Variants in TBC1D2B observed in about 807,000 individuals in gnomAD.
TBC1D2B encodes the protein TBC1 domain family member 2B.
Under a neutral mutation model 100.8 loss-of-function variants are expected in TBC1D2B, and 64 were observed. The observed-to-expected ratio is 0.64, with a 90% CI of 0.52 to 0.78. The LOEUF (loss-of-function observed/expected upper bound fraction) is 0.78, where lower values mean the gene tolerates loss of function less well. TBC1D2B is among the 30% of genes least tolerant of loss of function. The pLI, the probability that TBC1D2B is intolerant of heterozygous loss-of-function variation, is 0.00. For synonymous variants in TBC1D2B, 480 were observed against 479.7 expected, an observed-to-expected ratio of 1.00 and a Z score of -0.01; for missense variants, 1,052 against 1,218.4, an observed-to-expected ratio of 0.86 and a Z score of 2.03.
chr15:78,011,753 A>G (rs934449279), intron 9 of TBC1D2B, among the ~76,000 whole-genome samples: 2 of 147,840 alleles, frequency 1.4e-5, no homozygotes, highest in Non-Finnish European at 3.0e-5. Context: ...GGTTCAAGTG[A>G]TTCTCTTACC....
intron 3 of TBC1D2B, 93 bp from the exon 4 acceptor site, chr15:78,030,263 T>G: frequency 1.9e-6 from 2 of 1,049,818 alleles, no homozygotes; most frequent in Non-Finnish European, 1.3e-6. Flanking sequence ...TTTAAATATC[T>G]AATGATACCA....
intron 11 of TBC1D2B, chr15:78,002,498 T>G (rs900334091): frequency 6.6e-5 from 10 of 151,748 alleles, no homozygotes; most frequent in African/African-American, 2.4e-4. Flanking sequence ...TTTTTTTTTT[T>G]TAATTTGTGT....
chr15:78,040,855 GAAGA>G (rs60990991), intron 3 of TBC1D2B, among the ~76,000 whole-genome samples: 37 of 74,740 alleles, frequency 5.0e-4, no homozygotes, highest in African/African-American at 1.4e-3. Flanking sequence ...AGAAAGAAAG[GAAGA>G]AAGAAAGAAA....
intron 12 of TBC1D2B, among the ~76,000 whole-genome samples, chr15:78,000,860 C>T (rs570346958): frequency 6.6e-6 from 1 of 152,298 alleles, no homozygotes; most frequent in Admixed American, 6.5e-5. Flanking sequence ...CTTCAATCTA[C>T]CCCCCTTCTC....
chr15:78,005,434 A>G (rs987298498), intron 10 of TBC1D2B, among the ~76,000 whole-genome samples: 3 of 152,214 alleles, frequency 2.0e-5, no homozygotes, highest in Admixed American at 6.5e-5. Context: ...TTTGACAGTG[A>G]TTGGCAAAGC....
intron 1 of TBC1D2B, among the ~76,000 whole-genome samples, chr15:78,056,844 T>C (rs2073435638): frequency 6.6e-6 from 1 of 152,010 alleles, no homozygotes; most frequent in Non-Finnish European, 1.5e-5. Flanking sequence ...GGTGGGGGAA[T>C]GTGCGTGTGT....
chr15:78,015,755 A>C (rs2072356699), intron 8 of TBC1D2B, among the ~76,000 whole-genome samples: 1 of 152,094 alleles, frequency 6.6e-6, no homozygotes, highest in African/African-American at 2.4e-5. Context: ...TGCACATAAA[A>C]CCCTTAGCAC....
intron 1 of TBC1D2B, among the ~76,000 whole-genome samples, chr15:78,059,131 A>G (rs1288194319): frequency 1.3e-5 from 2 of 152,154 alleles, no homozygotes; most frequent in Non-Finnish European, 2.9e-5. Flanking sequence ...CTGGGTGTAC[A>G]TTTTGTCTCC....
intron 1 of TBC1D2B, among the ~76,000 whole-genome samples, chr15:78,055,797 C>A (rs2141811564): frequency 6.6e-6 from 1 of 152,364 alleles, no homozygotes; most frequent in South Asian, 2.1e-4. Context: ...TGCTGAGCAC[C>A]TATCAGGTAC....
chr15:78,042,420 A>T (rs1162935239), intron 3 of TBC1D2B, among the ~76,000 whole-genome samples: 1 of 151,702 alleles, frequency 6.6e-6, no homozygotes, highest in Admixed American at 6.6e-5. Flanking sequence ...TTGCTATGTG[A>T]TCTTGAGCAA....
intron 9 of TBC1D2B, among the ~76,000 whole-genome samples, chr15:78,011,012 C>T (rs925987520): frequency 2.0e-5 from 3 of 152,162 alleles, no homozygotes; most frequent in African/African-American, 4.8e-5. Context: ...CTGAGTTTCA[C>T]GGGTTTCCAG....
intron 2 of TBC1D2B, among the ~76,000 whole-genome samples, chr15:78,052,315 G>A (rs1335418386): frequency 6.6e-6 from 1 of 152,130 alleles, no homozygotes; most frequent in African/African-American, 2.4e-5. Flanking sequence ...TACAGCCCAT[G>A]GTACCAGCAT....
At chr15:78,038,576 G>A (rs28591625) in intron 3 of TBC1D2B, among the ~76,000 whole-genome samples, 7,779 of 152,272 alleles carry the variant, frequency 0.051, 398 homozygotes, top group African/African-American at 0.12. Flanking sequence ...CCTCTGAAAG[G>A]CTGAGGCAGT....
At chr15:78,029,952 G>C (rs530181679) in intron 4 of TBC1D2B, 55 bp downstream of exon 4, 143 of 1,449,302 alleles carry the variant, frequency 9.9e-5, no homozygotes, top group Admixed American at 8.1e-5. Context: ...CACATCACTG[G>C]TGGTTAACAG....
chr15:78,025,292 C>G lies in TBC1D2B; in HGVS notation c.1053G>C (p.Leu351=), dbSNP rs765710852. ...QLQVQSQQEE[L]EQLKKDLSSQ... ...TGGACAGGTCTTTCTTTAACTGTTC[C>G]AGCTCTTCCTGCTGGCTCTGGACCT... Residue 351 remains leucine (L), a synonymous_variant, in exon 5 of 13, where the codon CTG becomes CTC. Coordinates refer to ENST00000300584, the MANE Select transcript of TBC1D2B (RefSeq NM_144572.2). 1 of 1,613,676 alleles carries G rather than the reference C, an allele frequency of 6.2e-7. No individual in the cohort carries two copies. Among genetic ancestry groups the G allele is most frequent in the African/African-American group, 1.3e-5 (1 of 74,894 alleles).
chr15:78,006,559 TC>T (rs1461508979), intron 10 of TBC1D2B, among the ~76,000 whole-genome samples: 1 of 152,230 alleles, frequency 6.6e-6, no homozygotes, highest in African/African-American at 2.4e-5. Context: ...CTTGCCATCC[TC>T]CTGTGATGTT....
chr15:78,009,969 C>T (rs1241650025), intron 9 of TBC1D2B, among the ~76,000 whole-genome samples: 19 of 135,260 alleles, frequency 1.4e-4, no homozygotes, highest in South Asian at 2.4e-4. Flanking sequence ...AGCCAGACTC[C>T]GTCTCAAAAA....
intron 9 of TBC1D2B, 39 bp downstream of exon 9, chr15:78,012,784 C>T (rs1262175079): frequency 7.1e-7 from 1 of 1,413,636 alleles, no homozygotes; most frequent in African/African-American, 1.4e-5. Flanking sequence ...CTACAAGTTG[C>T]CTAATGGCAA....
chr15:78,025,313 G>C lies in TBC1D2B; in HGVS notation c.1032C>G (p.Val344=). ...RKPASEMQLQ[V]QSQQEELEQL... ...GTTCCAGCTCTTCCTGCTGGCTCTG[G>C]ACCTGCAGTTGCATTTCGGAGGCCG... is the stretch of plus-strand genomic sequence containing the variant. Residue 344 remains valine (V), a synonymous_variant, in exon 5 of 13, where the codon GTC becomes GTG. Transcript: ENST00000300584. The C allele has an allele frequency of 1.2e-6, 2 of 1,613,886 alleles. No homozygotes were observed. The highest frequency in any genetic ancestry group is 1.7e-6 in the Non-Finnish European group (2 of 1,179,886).
Sources: gnomAD v4.1 joint callset for allele counts (sites outside exome capture counted in the v4.1 genomes callset) on GRCh38, gnomAD v4.1.1 for gene constraint, MANE v1.5 for transcripts, NCBI Gene and HGNC (gene_info 2026-07-23, HGNC 2026-07-21) for gene names.